NKIRAS1: variants seen among roughly 807,000 people sequenced by gnomAD.
NKIRAS1 encodes the protein NFKB inhibitor interacting Ras like 1, also known as NF-kappa-B inhibitor-interacting Ras-like protein 1.
A neutral mutation model predicts 19.8 loss-of-function variants in NKIRAS1; 16 were observed. The ratio of observed to expected loss-of-function variants is 0.81; its 90% CI spans 0.55 to 1.23. The LOEUF is 1.23. NKIRAS1 is among the 50% of genes most tolerant of loss of function. The pLI is 0.00. For missense variants in NKIRAS1, 184 were observed against 220.0 expected (o/e 0.84, Z 1.04); for synonymous variants, 88 against 79.0 (o/e 1.11, Z -0.61).
At chr3:23,895,265 G>A (rs1701869914) in intron 4 of NKIRAS1, among the ~76,000 whole-genome samples, 1 of 152,088 alleles carries the variant, frequency 6.6e-6, no homozygotes, top group Non-Finnish European at 1.5e-5. Context: ...TCCTGCCTCA[G>A]CTCCGCAAAG....
chr3:23,921,926 C>T (rs575916604), upstream of NKIRAS1: 45 of 305,468 alleles, frequency 1.5e-4, no homozygotes, highest in Non-Finnish European at 2.5e-4. Context: ...CCAGGTTGGT[C>T]TCAAACTACT....
rs538742030 is a variant in NKIRAS1 at position 23,912,826 on chromosome 3, T to C, written c.-139-1376A>G. 6.6e-5 allele frequency among the ~76,000 whole-genome samples: 10 copies of C among 151,926 alleles called. No individual in the cohort carries two copies. In the South Asian group the frequency reaches 1.7e-3, roughly 25 times the overall value. On this transcript the variant is annotated intron_variant, in intron 1 of 4. Coordinates refer to ENST00000425478, the MANE Select transcript of NKIRAS1 (RefSeq NM_020345.4). ...TCAATGATAGACTGGATTAAGAAAA[T>C]ATGCCACATACGTCGGGCGCGGTGG... is the stretch of plus-strand genomic sequence containing the variant.
intron 1 of NKIRAS1, among the ~76,000 whole-genome samples, chr3:23,928,584 ATTTGT>A (rs1307343416): frequency 6.6e-6 from 1 of 151,056 alleles, no homozygotes; most frequent in African/African-American, 2.4e-5. Flanking sequence ...CCAAGTCAAG[ATTTGT>A]TTGCTAGTTT....
At chr3:23,896,975 G>A (rs574824213) in intron 4 of NKIRAS1, among the ~76,000 whole-genome samples, 1 of 152,312 alleles carries the variant, frequency 6.6e-6, no homozygotes, top group East Asian at 1.9e-4. Context: ...GGAGGCCGAG[G>A]CAGGAGGATC....
intron 1 of NKIRAS1, among the ~76,000 whole-genome samples, chr3:23,913,040 CAAAAAAA>C (rs1169515621): frequency 5.8e-3 from 279 of 47,698 alleles, no homozygotes; most frequent in African/African-American, 0.014. Context: ...GACTCCGTCT[CAAAAAAA>C]AAAAAAAAAA....
upstream of NKIRAS1, chr3:23,921,497 C>T (rs1457008458): frequency 6.0e-6 from 4 of 666,056 alleles, no homozygotes; most frequent in Non-Finnish European, 2.7e-6. Flanking sequence ...CCCTGACCGC[C>T]CCACAAGCTG....
chr3:23,941,213 A>G (rs942350213), intron 1 of NKIRAS1, among the ~76,000 whole-genome samples: 8 of 152,144 alleles, frequency 5.3e-5, no homozygotes, highest in African/African-American at 1.7e-4. Context: ...TCTTTAATAG[A>G]CTTCACCTTT....
At chr3:23,917,796 T>A, upstream of NKIRAS1, 1 of 1,503,446 alleles carries the variant, frequency 6.7e-7, no homozygotes. Context: ...ACGGATACAG[T>A]CGTCTTATTG....
At chr3:23,935,130 C>G (rs1278670687) in intron 1 of NKIRAS1, among the ~76,000 whole-genome samples, 1 of 151,926 alleles carries the variant, frequency 6.6e-6, no homozygotes, top group African/African-American at 2.4e-5. Context: ...AATGGATCCT[C>G]CTGCCTCGTG....
At chr3:23,942,929 G>A (rs1705533733) in intron 1 of NKIRAS1, among the ~76,000 whole-genome samples, 1 of 151,930 alleles carries the variant, frequency 6.6e-6, no homozygotes, top group African/African-American at 2.4e-5. Flanking sequence ...TGTATTTTTT[G>A]TAGAGATGGA....
chr3:23,935,229 A>G (rs1705373611), intron 1 of NKIRAS1, among the ~76,000 whole-genome samples: 1 of 152,110 alleles, frequency 6.6e-6, no homozygotes, highest in African/African-American at 2.4e-5. Context: ...AACCCTGACA[A>G]TGGCTAAAAC....
intron 1 of NKIRAS1, among the ~76,000 whole-genome samples, chr3:23,944,982 C>G (rs979271003): frequency 1.3e-5 from 2 of 151,858 alleles, no homozygotes; most frequent in Non-Finnish European, 2.9e-5. Flanking sequence ...GAGAGGACTC[C>G]CGGCCAGAGG....
chr3:23,890,705 G>T lies in NKIRAS1; in HGVS notation c.*2390C>A. ...GAGGGTGGGAGTTGGTAAAGAGTAG[G>T]GTATTTCTATAACAGATATTATTCA... On this transcript the variant is annotated 3_prime_UTR_variant, in exon 5 of 5. Coordinates refer to ENST00000425478, the MANE Select transcript of NKIRAS1 (RefSeq NM_020345.4). 9.5e-7 allele frequency: 1 copy of T among 1,054,794 alleles called. No homozygotes were observed. Among genetic ancestry groups the T allele is most frequent in the Non-Finnish European group, 1.3e-6 (1 of 743,320 alleles). 65.3% of individuals were successfully genotyped at this position (1,054,794 alleles called of 1,614,324 possible). A position where few individuals can be genotyped will look rare whatever the true frequency, so the allele number is the denominator to read the frequency against.
At chr3:23,920,456 A>T, upstream of NKIRAS1, 1 of 985,346 alleles carries the variant, frequency 1.0e-6, no homozygotes. Context: ...TTACCATTCC[A>T]CAAAGTTGGA....
At chr3:23,918,507 T>A (rs149401472), upstream of NKIRAS1, 27 of 1,613,970 alleles carry the variant, frequency 1.7e-5, no homozygotes, top group African/African-American at 3.1e-4. Context: ...AGGGTGCAAC[T>A]TACGGCAAGC....
At chr3:23,928,710 G>T (rs951049250) in intron 1 of NKIRAS1, among the ~76,000 whole-genome samples, 14 of 142,430 alleles carry the variant, frequency 9.8e-5, no homozygotes, top group South Asian at 4.4e-4. Flanking sequence ...AAAAAAAAAA[G>T]GCCGGGCGCT....
chr3:23,918,567 C>G (rs745714508), upstream of NKIRAS1: 30 of 1,613,596 alleles, frequency 1.9e-5, no homozygotes, highest in South Asian at 2.9e-4. Flanking sequence ...GCCTTCAGTC[C>G]GTTGCAGAGG....
Position 23,893,099 on chromosome 3 carries a change from T to G in NKIRAS1, c.575A>C (p.Asn192Thr). ...AATTGTGGAAATTACTGATTTTTAG[T>G]TCTCAGAATTAGAGTTCCCTTTGTT... ...RKNKGNSNSE[N>T] Residue 192 changes from asparagine (N) to threonine (T), a missense_variant, in exon 5 of 5, where the codon AAC (asparagine) becomes ACC (threonine). Coordinates refer to ENST00000425478, the MANE Select transcript of NKIRAS1 (RefSeq NM_020345.4). 6.5e-7 allele frequency: 1 copy of G among 1,548,182 alleles called. No individual in the cohort carries two copies. The highest frequency in any genetic ancestry group is 1.3e-5 in the South Asian group (1 of 78,520).
rs530337384 is a variant in NKIRAS1, at chr3:23,902,913, T to G, written c.95-1864A>C. ...AATGTTGAAGTCCTCCGGCTTTCCC[T>G]TTCTGCTCCCAAAACACTGGCAGCC... is the stretch of plus-strand genomic sequence containing the variant. On this transcript the variant is annotated intron_variant, in intron 3 of 4. Coordinates refer to ENST00000425478, the MANE Select transcript of NKIRAS1 (RefSeq NM_020345.4). Among the ~76,000 whole-genome samples the G allele has an allele frequency of 9.8e-5, 15 of 152,364 alleles. No individual in the cohort carries two copies. The East Asian group carries it at 2.9e-3, about 29-fold the overall frequency.
Sources: allele counts gnomAD v4.1 joint callset (sites outside exome capture counted in the v4.1 genomes callset), GRCh38; gene constraint gnomAD v4.1.1; transcripts MANE v1.5; gene names NCBI Gene and HGNC (gene_info 2026-07-23, HGNC 2026-07-21).